Variants in L2HGDH observed in about 807,000 individuals in gnomAD.
L2HGDH encodes L-2-hydroxyglutarate dehydrogenase, mitochondrial.
Under a neutral mutation model 51.5 loss-of-function variants are expected in L2HGDH, and 34 were observed. The ratio of observed to expected loss-of-function variants is 0.66; its 90% confidence interval spans 0.50 to 0.88. L2HGDH has a LOEUF of 0.88. Ranked by LOEUF, L2HGDH falls within the 40% of genes least tolerant of loss-of-function variation. The pLI is 0.00. For synonymous variants in L2HGDH, 198 were observed against 197.9 expected, an observed-to-expected ratio of 1.00 and a Z score of -0.01; for missense variants, 558 against 571.9, an observed-to-expected ratio of 0.98 and a Z score of 0.25.
chr14:50,305,723 A>G (rs551796104), intron 1 of L2HGDH, among the ~76,000 whole-genome samples: 1 of 152,316 alleles, frequency 6.6e-6, no homozygotes, highest in Admixed American at 6.5e-5. Flanking sequence ...GTATTACTTA[A>G]TCATATTTTA....
At chr14:50,288,426 A>G (rs1406647181) in intron 4 of L2HGDH, among the ~76,000 whole-genome samples, 1 of 152,214 alleles carries the variant, frequency 6.6e-6, no homozygotes, top group Non-Finnish European at 1.5e-5. Flanking sequence ...AGCCAAGTTC[A>G]CAAACAGGCT....
intron 4 of L2HGDH, among the ~76,000 whole-genome samples, chr14:50,284,257 TTA>T (rs939915207): frequency 2.0e-5 from 3 of 152,198 alleles, no homozygotes; most frequent in Non-Finnish European, 4.4e-5. Flanking sequence ...CATCAAACAA[TTA>T]TGTTTTAAAT....
chr14:50,302,219 C>T (rs1319200631), intron 2 of L2HGDH, 51 bp from the exon 3 acceptor site: 1 of 1,586,592 alleles, frequency 6.3e-7, no homozygotes, highest in East Asian at 2.2e-5. Context: ...TCATACAAAA[C>T]ATAAGAGGTA....
At chr14:50,271,946 G>C (rs1889718149) in intron 6 of L2HGDH, among the ~76,000 whole-genome samples, 1 of 152,132 alleles carries the variant, frequency 6.6e-6, no homozygotes, top group Non-Finnish European at 1.5e-5. Context: ...TTCAAGACTA[G>C]CCTGGACAAC....
Position 50,244,080 on chromosome 14 carries a change from CGTT to C in L2HGDH, c.*2975_*2977del, listed in dbSNP as rs1887904825. The C allele has an allele frequency of 6.6e-6, 1 of 151,764 alleles. No homozygotes were observed. The highest frequency in any genetic ancestry group is 1.5e-5 in the Non-Finnish European group (1 of 67,996). 9.4% of individuals were successfully genotyped at this position (151,764 alleles called of 1,614,324 possible). A position where few individuals can be genotyped will look rare whatever the true frequency, so the allele number is the denominator to read the frequency against. ...GCCACATTTTCTTAATCCAGTCTAT[CGTT>C]GTTGGACATTTGGGTTGGTTCCAAG... is the stretch of plus-strand genomic sequence containing the variant. On this transcript the variant is annotated 3_prime_UTR_variant, in exon 10 of 10. Transcript: ENST00000267436.
intron 9 of L2HGDH, among the ~76,000 whole-genome samples, chr14:50,250,104 G>C (rs978322520): frequency 6.6e-6 from 1 of 152,100 alleles, no homozygotes; most frequent in Admixed American, 6.5e-5. Flanking sequence ...GTTTCGCCAT[G>C]GTGGCCAGGC....
intron 1 of L2HGDH, 132 bp downstream of exon 1, chr14:50,311,879 T>C (rs1566547241): frequency 8.1e-7 from 1 of 1,231,352 alleles, no homozygotes; most frequent in South Asian, 1.4e-5. Context: ...GGATCCGAGG[T>C]TGGAGTGCCA....
intron 5 of L2HGDH, 78 bp from the exon 6 acceptor site, chr14:50,278,632 C>T: frequency 1.3e-6 from 1 of 766,710 alleles, no homozygotes; most frequent in Non-Finnish European, 2.2e-6. Context: ...TAGAAACAAA[C>T]TTAAATAACC....
chr14:50,300,178 T>C, intron 3 of L2HGDH, among the ~76,000 whole-genome samples: 1 of 152,106 alleles, frequency 6.6e-6, no homozygotes, highest in South Asian at 2.1e-4. Context: ...TTATAGTTAA[T>C]AATGTATTAT....
At chr14:50,283,062 G>A (rs1198766098) in intron 5 of L2HGDH, among the ~76,000 whole-genome samples, 2 of 151,934 alleles carry the variant, frequency 1.3e-5, no homozygotes, top group Non-Finnish European at 2.9e-5. Flanking sequence ...TTAGCTGGGT[G>A]TGGTGGCAAG....
intron 1 of L2HGDH, 102 bp downstream of exon 1, chr14:50,311,909 C>CA (rs1431437525): frequency 2.0e-6 from 3 of 1,480,828 alleles, no homozygotes; most frequent in Non-Finnish European, 2.7e-6. Context: ...AACCTGCTCT[C>CA]ACCCCGGGAC....
chr14:50,278,209 G>A (rs113832329), intron 6 of L2HGDH, among the ~76,000 whole-genome samples: 6 of 152,320 alleles, frequency 3.9e-5, no homozygotes, highest in East Asian at 1.9e-4. Context: ...GAAGTCTTCT[G>A]ATTTATAGAG....
At chr14:50,301,601 G>T (rs1034503611) in intron 3 of L2HGDH, among the ~76,000 whole-genome samples, 4 of 152,196 alleles carry the variant, frequency 2.6e-5, no homozygotes, top group African/African-American at 9.6e-5. Context: ...CTATTTATAT[G>T]AAAAGTGCAG....
intron 4 of L2HGDH, among the ~76,000 whole-genome samples, chr14:50,291,187 G>T (rs939650309): frequency 4.0e-5 from 4 of 100,162 alleles, no homozygotes; most frequent in African/African-American, 1.6e-4. Flanking sequence ...GACAGACTGA[G>T]ACTCCGTCTC....
chr14:50,291,422 G>A (rs571321956), intron 4 of L2HGDH, among the ~76,000 whole-genome samples: 1 of 152,058 alleles, frequency 6.6e-6, no homozygotes, highest in East Asian at 1.9e-4. Flanking sequence ...ATCTCAGAGA[G>A]ATAAGAAATA....
chr14:50,282,402 T>C, intron 5 of L2HGDH: 1 of 455,158 alleles, frequency 2.2e-6, no homozygotes, highest in South Asian at 1.6e-5. Context: ...GTCTTTTTCC[T>C]TCATTCTAAC....
In L2HGDH at chr14:50,302,098, T is replaced by A; in HGVS notation, c.327A>T (p.Lys109Asn). 2 of 1,614,158 alleles carry A rather than the reference T, an allele frequency of 1.2e-6. No homozygotes were observed. Among genetic ancestry groups the A allele is most frequent in the Non-Finnish European group, 1.7e-6 (2 of 1,180,024 alleles). The change falls in exon 3 of 10, where the codon AAA (lysine) becomes AAT (asparagine). Residue 109 changes from lysine (K) to asparagine (N), a missense_variant. By Grantham distance (94) the Lys-to-Asn change is moderately conservative (BLOSUM62 0). Transcript: ENST00000267436. ...SGIYYKPESL[K>N]AKLCVQGAAL... Reference sequence around the variant, plus strand: ...CTGCACCTTGTACACATAATTTGGCTTTCAGAGACTCAGGTTTATAATAAA... The same window carrying A: ...CTGCACCTTGTACACATAATTTGGCATTCAGAGACTCAGGTTTATAATAAA...
intron 1 of L2HGDH, among the ~76,000 whole-genome samples, chr14:50,310,557 C>T (rs1745221149): frequency 6.6e-6 from 1 of 151,878 alleles, no homozygotes; most frequent in Non-Finnish European, 1.5e-5. Flanking sequence ...AATTAGCTGC[C>T]TGTGGTCCCA....
chr14:50,290,866 T>C (rs561783976), intron 4 of L2HGDH, among the ~76,000 whole-genome samples: 3 of 152,022 alleles, frequency 2.0e-5, no homozygotes, highest in East Asian at 3.9e-4. Context: ...AAAATAATGT[T>C]CTTCTTTTAA....
Sources: gnomAD v4.1 joint callset for allele counts (sites outside exome capture counted in the v4.1 genomes callset) on GRCh38, gnomAD v4.1.1 for gene constraint, MANE v1.5 for transcripts, NCBI Gene and HGNC (gene_info 2026-07-23, HGNC 2026-07-21) for gene names.